The following CTNNA3 variants were observed in gnomAD, a reference collection of about 807,000 sequenced individuals.
CTNNA3 encodes the protein catenin alpha 3.
In CTNNA3, 76 loss-of-function variants were observed where a neutral mutation model predicts 95.7. The observed-to-expected ratio is 0.79, with a 90% CI of 0.66 to 0.96. The LOEUF (loss-of-function observed/expected upper bound fraction) is 0.96. Ranked by LOEUF, CTNNA3 falls within the 40% of genes least tolerant of loss-of-function variation. The pLI, the probability that CTNNA3 is intolerant of heterozygous loss-of-function variation, is 0.00. For synonymous variants in CTNNA3, 431 were observed against 374.4 expected (o/e 1.15, Z -1.74); for missense variants, 1,191 against 1,089.8 (o/e 1.09, Z -1.31).
At chr10:66,317,564 T>G (rs747199706) in intron 12 of CTNNA3, among the ~76,000 whole-genome samples, 1 of 151,732 alleles carries the variant, frequency 6.6e-6, no homozygotes, top group Non-Finnish European at 1.5e-5. Flanking sequence ...TCCCAGCTAC[T>G]CGGGAGGCTG....
intron 5 of CTNNA3, among the ~76,000 whole-genome samples, chr10:67,237,173 T>TATATATACAC (rs1554810783): frequency 8.9e-6 from 1 of 112,834 alleles, no homozygotes; most frequent in African/African-American, 3.4e-5. Context: ...TATATATATA[T>TATATATACAC]ACACACACAA....
chr10:66,299,307 C>A (rs1261557168), intron 12 of CTNNA3, among the ~76,000 whole-genome samples: 2 of 152,146 alleles, frequency 1.3e-5, no homozygotes, highest in Non-Finnish European at 2.9e-5. Context: ...TAACTGAGAC[C>A]TGTCTCAGAT....
chr10:66,211,449 C>A (rs191012535), intron 13 of CTNNA3, among the ~76,000 whole-genome samples: 1 of 152,254 alleles, frequency 6.6e-6, no homozygotes, highest in Admixed American at 6.5e-5. Context: ...TTCCCTAACC[C>A]TGAACTAAGA....
intron 12 of CTNNA3, among the ~76,000 whole-genome samples, chr10:66,299,713 C>G (rs1285092778): frequency 6.6e-6 from 1 of 151,702 alleles, no homozygotes; most frequent in Admixed American, 6.6e-5. Context: ...GAATGAAACA[C>G]AAAGAATAAC....
rs74744617 is a variant in CTNNA3, at chr10:66,841,221, G to A, written c.1048-65697C>T. ...AAACTGGTCTTTAAGTGCTTTAGAAGTGTCTATTTACTTACAAACGGTGTA... is the reference window on the plus strand; with the variant it reads ...AAACTGGTCTTTAAGTGCTTTAGAAATGTCTATTTACTTACAAACGGTGTA... On this transcript the variant is annotated intron_variant, in intron 7 of 17. Transcript: ENST00000433211. Among the ~76,000 whole-genome samples the A allele has an allele frequency of 5.9e-3, 904 of 152,252 alleles. 12 individuals are homozygous for A. Among genetic ancestry groups the A allele is most frequent in the African/African-American group, 0.021 (860 of 41,554 alleles).
At chr10:66,881,851 A>C (rs536652380) in intron 7 of CTNNA3, among the ~76,000 whole-genome samples, 1 of 152,228 alleles carries the variant, frequency 6.6e-6, no homozygotes, top group East Asian at 1.9e-4. Flanking sequence ...CTTTTCTTTA[A>C]CTAATAGAGC....
chr10:66,701,494 C>A (rs1847941309), intron 9 of CTNNA3, among the ~76,000 whole-genome samples: 1 of 152,140 alleles, frequency 6.6e-6, no homozygotes, highest in South Asian at 2.1e-4. Flanking sequence ...TACAGTTTAA[C>A]ATCATAATCT....
chr10:66,106,999 T>C (rs1232904140), intron 13 of CTNNA3, among the ~76,000 whole-genome samples: 1 of 152,226 alleles, frequency 6.6e-6, no homozygotes, highest in East Asian at 1.9e-4. Flanking sequence ...TGCTTCCTTC[T>C]AAAATCCATG....
intron 5 of CTNNA3, among the ~76,000 whole-genome samples, chr10:67,466,304 A>T (rs193263353): frequency 6.6e-6 from 1 of 152,194 alleles, no homozygotes; most frequent in Non-Finnish European, 1.5e-5. Context: ...AAAATTATAA[A>T]ATAGAGTTGG....
intron 15 of CTNNA3, among the ~76,000 whole-genome samples, chr10:66,063,209 TATATAG>T (rs60684754): frequency 0.24 from 29,417 of 121,334 alleles, 3,035 homozygotes; most frequent in Middle Eastern, 0.28. Context: ...TATATATATA[TATATAG>T]ATATAGATAT....
At chr10:66,144,012 C>T (rs1336572931) in intron 13 of CTNNA3, among the ~76,000 whole-genome samples, 1 of 152,166 alleles carries the variant, frequency 6.6e-6, no homozygotes, top group African/African-American at 2.4e-5. Context: ...CCCATGGGAC[C>T]TTTAAATACA....
intron 7 of CTNNA3, among the ~76,000 whole-genome samples, chr10:67,024,906 G>A (rs577123465): frequency 1.2e-4 from 18 of 152,038 alleles, no homozygotes; most frequent in Admixed American, 5.2e-4. Flanking sequence ...CAAGGCGGGC[G>A]GATCACCTGA....
chr10:66,127,530 C>A (rs1468546784), intron 13 of CTNNA3, among the ~76,000 whole-genome samples: 1 of 151,784 alleles, frequency 6.6e-6, no homozygotes, highest in Non-Finnish European at 1.5e-5. Context: ...CTGTCAAGTT[C>A]GCAAAAACAA....
chr10:67,718,166 G>C (rs1396967862), intron 1 of CTNNA3, among the ~76,000 whole-genome samples: 1 of 152,156 alleles, frequency 6.6e-6, no homozygotes, highest in Non-Finnish European at 1.5e-5. Context: ...CATTAATTTT[G>C]CATCCTGAGA....
chr10:67,139,735 A>G (rs762251738), intron 7 of CTNNA3, among the ~76,000 whole-genome samples: 8 of 152,204 alleles, frequency 5.3e-5, no homozygotes, highest in Non-Finnish European at 8.8e-5. Context: ...TAGATTTAAA[A>G]GCCAAATATA....
intron 2 of CTNNA3, among the ~76,000 whole-genome samples, chr10:67,610,522 A>AT (rs547960247): frequency 1.3e-3 from 200 of 152,110 alleles, no homozygotes; most frequent in African/African-American, 4.6e-3. Flanking sequence ...AGCTGAAACT[A>AT]TTTTTTTTAA....
At chr10:66,453,556 A>T (rs2093478146) in intron 11 of CTNNA3, among the ~76,000 whole-genome samples, 1 of 152,224 alleles carries the variant, frequency 6.6e-6, no homozygotes, top group African/African-American at 2.4e-5. Context: ...TTGATTGTGA[A>T]CCCCTGGCAT....
At chr10:66,781,817 C>CGTACTGTCTCAACT (rs1285603061) in intron 7 of CTNNA3, among the ~76,000 whole-genome samples, 5 of 152,082 alleles carry the variant, frequency 3.3e-5, no homozygotes, top group Non-Finnish European at 5.9e-5. Flanking sequence ...GTACTTTACA[C>CGTACTGTCTCAACT]GTACTGTCTC....
intron 15 of CTNNA3, among the ~76,000 whole-genome samples, chr10:66,050,980 A>C (rs1184688488): frequency 1.3e-5 from 2 of 152,006 alleles, no homozygotes; most frequent in African/African-American, 2.4e-5. Flanking sequence ...AAGCCTCCTG[A>C]GTAGCTAGGA....
Sources: allele counts gnomAD v4.1 joint callset (sites outside exome capture counted in the v4.1 genomes callset), GRCh38; gene constraint gnomAD v4.1.1; transcripts MANE v1.5; gene names NCBI Gene and HGNC (gene_info 2026-07-23, HGNC 2026-07-21).